Variants in NAT10 observed in about 807,000 individuals in gnomAD.
NAT10 encodes N-acetyltransferase 10, also known as RNA cytidine acetyltransferase.
NAT10 carries 109 observed loss-of-function variants against 132.2 expected under a neutral mutation model. The ratio of observed to expected loss-of-function variants is 0.82; its 90% CI spans 0.71 to 0.97. NAT10 has a LOEUF of 0.97. NAT10 is among the 50% of genes least tolerant of loss of function. NAT10 has a pLI of 0.00. For synonymous variants in NAT10, 479 were observed against 478.0 expected, an observed-to-expected ratio of 1.00 and a Z score of -0.03; for missense variants, 1,184 against 1,263.4, an observed-to-expected ratio of 0.94 and a Z score of 0.95.
intron 6 of NAT10, among the ~76,000 whole-genome samples, chr11:34,117,232 G>T (rs1851798408): frequency 1.3e-5 from 2 of 151,802 alleles, no homozygotes; most frequent in African/African-American, 4.9e-5. Context: ...TTTGAGGGGT[G>T]TGGGAACACC....
chr11:34,117,816 G>T (rs889611156), intron 6 of NAT10, among the ~76,000 whole-genome samples: 1 of 151,998 alleles, frequency 6.6e-6, no homozygotes, highest in Non-Finnish European at 1.5e-5. Context: ...ATCATATGGG[G>T]GTTGGGTTTG....
At chr11:34,128,026 T>A (rs1852030204) in intron 12 of NAT10, among the ~76,000 whole-genome samples, 1 of 152,136 alleles carries the variant, frequency 6.6e-6, no homozygotes, top group Non-Finnish European at 1.5e-5. Flanking sequence ...ATATTTAGTG[T>A]TGGCTATTGA....
At chr11:34,117,094 C>T (rs1565108759) in intron 6 of NAT10, among the ~76,000 whole-genome samples, 1 of 152,204 alleles carries the variant, frequency 6.6e-6, no homozygotes, top group African/African-American at 2.4e-5. Flanking sequence ...GTCTGGGAAA[C>T]ACCTATACCG....
intron 6 of NAT10, among the ~76,000 whole-genome samples, chr11:34,117,682 C>G (rs1278815326): frequency 6.6e-6 from 1 of 152,070 alleles, no homozygotes; most frequent in Non-Finnish European, 1.5e-5. Flanking sequence ...ATTTTTTTCC[C>G]TGCTTGCAAG....
chr11:34,108,230 A>C lies in NAT10; in HGVS notation c.5A>C (p.His2Pro). Residue 2 changes from histidine to proline, a missense_variant, in exon 2 of 29, where the codon CAT becomes CCT. Physicochemically the swap from His to Pro is moderately conservative, Grantham distance 77 (BLOSUM62 -2). Transcript: ENST00000257829. The stretch of plus-strand genomic sequence containing the variant: ...TTTTAGTAATAATTTTTCACCATGC[A>C]TCGGAAAAAGGTGGATAACCGAATC... M[H>P]RKKVDNRIRI... The C allele has an allele frequency of 6.2e-7, 1 of 1,613,146 alleles. No homozygotes were observed. The highest frequency in any genetic ancestry group is 1.1e-5 in the South Asian group (1 of 91,046).
Position 34,113,636 on chromosome 11 carries a change from CAAAAAAAAAAA to C in NAT10, c.373-66_373-56del, listed in dbSNP as rs34445882. ...TGGGCGACAGAGCAAGACTCCATCT[CAAAAAAAAAAA>C]AAAAAAAAAAAAAGTCCTTTGGGTT... On this transcript the variant is annotated intron_variant, in intron 4 of 28. Coordinates refer to ENST00000257829, the MANE Select transcript of NAT10 (RefSeq NM_024662.3). The C allele has an allele frequency of 1.8e-5, 16 of 906,878 alleles. No individual in the cohort carries two copies. The East Asian group carries it at 6.9e-4, about 39-fold the overall frequency. The allele number at this position is 906,878 out of a possible 1,614,324, so 56.2% of individuals were successfully genotyped here. A position where few individuals can be genotyped will look rare whatever the true frequency, so the allele number is the denominator to read the frequency against.
chr11:34,142,531 G>A (rs189247401), intron 27 of NAT10, among the ~76,000 whole-genome samples, 183 bp downstream of exon 27: 3 of 152,110 alleles, frequency 2.0e-5, no homozygotes, highest in African/African-American at 7.2e-5. Context: ...GGAAGAGTTG[G>A]GTTCCGGAGA....
intron 16 of NAT10, 66 bp downstream of exon 16, chr11:34,133,208 G>A: frequency 8.3e-7 from 1 of 1,209,738 alleles, no homozygotes; most frequent in South Asian, 1.2e-5. Flanking sequence ...GGAATTAGTG[G>A]CTTAATAACT....
chr11:34,145,136 C>G (rs1305174931), intron 28 of NAT10, among the ~76,000 whole-genome samples: 1 of 152,180 alleles, frequency 6.6e-6, no homozygotes, highest in African/African-American at 2.4e-5. Context: ...AACAAAAGGC[C>G]GGGGAGCATG....
intron 27 of NAT10, among the ~76,000 whole-genome samples, chr11:34,142,856 T>C (rs929795497): frequency 2.6e-5 from 4 of 152,228 alleles, no homozygotes; most frequent in African/African-American, 9.6e-5. Flanking sequence ...ATTCATGGCC[T>C]CTGAGCCTCT....
intron 28 of NAT10, 147 bp downstream of exon 28, chr11:34,143,675 T>G: frequency 6.0e-6 from 4 of 667,948 alleles, no homozygotes; most frequent in Non-Finnish European, 1.0e-5. Context: ...CCCCTGGCCA[T>G]TACCCTTGCA....
intron 12 of NAT10, among the ~76,000 whole-genome samples, chr11:34,129,088 A>T (rs1852052852): frequency 6.6e-6 from 1 of 152,154 alleles, no homozygotes; most frequent in Non-Finnish European, 1.5e-5. Flanking sequence ...GATATTATTA[A>T]TAATCTTGCT....
intron 9 of NAT10, among the ~76,000 whole-genome samples, 156 bp downstream of exon 9, chr11:34,122,748 A>G (rs1270655829): frequency 6.6e-6 from 1 of 152,168 alleles, no homozygotes; most frequent in Non-Finnish European, 1.5e-5. Context: ...CTGCCAGGAA[A>G]CAGCAGCACT....
Position 34,143,515 on chromosome 11 carries a change from A to G in NAT10, c.2956A>G (p.Ile986Val). 1 of 1,614,060 alleles carries G rather than the reference A, an allele frequency of 6.2e-7. No individual in the cohort carries two copies. The highest frequency in any genetic ancestry group is 8.5e-7 in the Non-Finnish European group (1 of 1,179,958). ...LNKAGPNASI[I>V]SLKSDKKRKL... ...CAAAGCTGGGCCGAACGCCTCGATC[A>G]TCAGCCTGAAAAGGTGAGGGCCCAG... Residue 986 changes from isoleucine to valine, a missense_variant, in exon 28 of 29, where the codon ATC (isoleucine) becomes GTC (valine). Ile to Val is a conservative substitution (Grantham distance 29). Transcript: ENST00000257829.
Position 34,108,192 on chromosome 11 carries a change from G to T in NAT10, c.-15-19G>T. ...GACAATCTAGTGCGCATGGCCAGTT[G>T]TATTTCTTTCTCTTTTAGTAATAAT... On this transcript the variant is annotated intron_variant, in intron 1 of 28. Coordinates refer to ENST00000257829, the MANE Select transcript of NAT10 (RefSeq NM_024662.3). 1 of 1,558,536 alleles carries T rather than the reference G, an allele frequency of 6.4e-7. No homozygotes were observed.
intron 19 of NAT10, among the ~76,000 whole-genome samples, chr11:34,136,237 G>A (rs1394631451): frequency 6.6e-6 from 1 of 151,916 alleles, no homozygotes; most frequent in African/African-American, 2.4e-5. Context: ...ACACACCACC[G>A]TGCCTAGCTA....
At chr11:34,136,594 C>T in intron 19 of NAT10, 48 bp from the exon 20 acceptor site, 1 of 1,611,410 alleles carries the variant, frequency 6.2e-7, no homozygotes, top group East Asian at 2.2e-5. Flanking sequence ...GACGATGTCT[C>T]TCTCCCTCTG....
chr11:34,146,144 CAG>C lies in NAT10; in HGVS notation c.3036_3037del (p.Glu1012AspfsTer24). 1 of 1,610,580 alleles carries C rather than the reference CAG, an allele frequency of 6.2e-7. No homozygotes were observed. Among genetic ancestry groups the C allele is most frequent in the Non-Finnish European group, 8.5e-7 (1 of 1,178,840 alleles). ...EPKQSKKLKN[R>X]ETKNKKDMKL... ...CCAAACAGAGCAAGAAGTTGAAGAA[CAG>C]AGAGACAAAGAACAAAAAAGATATG... On this transcript the variant is annotated frameshift_variant, in exon 29 of 29. Coordinates refer to ENST00000257829, the MANE Select transcript of NAT10 (RefSeq NM_024662.3). LOFTEE classifies it high-confidence loss of function.
At position 34,141,144 on chromosome 11, in the gene NAT10, A is replaced by C. The variant is rs746114824; in HGVS notation, c.2648A>C (p.Glu883Ala). 1.2e-6 allele frequency: 2 copies of C among 1,613,868 alleles called. No individual in the cohort carries two copies. Among genetic ancestry groups the C allele is most frequent in the East Asian group, 2.2e-5 (1 of 44,886 alleles). ...AAGTCTGTGGACCAGCTGGAAAAGG[A>C]GATTGAGCTGCCCTCGGGCCAGTTG... ...QHKSVDQLEKEIELPSGQLMG... is the reference protein window; with the variant it reads ...QHKSVDQLEKAIELPSGQLMG... Residue 883 changes from glutamate (E) to alanine (A), a missense_variant, in exon 25 of 29, where the codon GAG (glutamate) becomes GCG (alanine). Coordinates refer to ENST00000257829, the MANE Select transcript of NAT10 (RefSeq NM_024662.3).
Sources: gnomAD v4.1 joint callset for allele counts (sites outside exome capture counted in the v4.1 genomes callset) on GRCh38, gnomAD v4.1.1 for gene constraint, MANE v1.5 for transcripts, NCBI Gene and HGNC (gene_info 2026-07-23, HGNC 2026-07-21) for gene names.